Variants in YEATS2 observed in about 807,000 individuals in gnomAD.
YEATS2 encodes the protein YEATS domain-containing protein 2.
In YEATS2, 77 loss-of-function variants were observed where a neutral mutation model predicts 163.2. The observed-to-expected ratio is 0.47, with a 90% CI of 0.39 to 0.57. The LOEUF (loss-of-function observed/expected upper bound fraction) is 0.57, where lower values mean the gene tolerates loss of function less well. YEATS2 is among the 20% of genes least tolerant of loss of function. The probability of loss-of-function intolerance (pLI) is 0.00; values close to 1 mark genes in which losing one functional copy is unlikely to be tolerated. For synonymous variants in YEATS2, 631 were observed against 645.1 expected (o/e 0.98, Z 0.33); for missense variants, 1,549 against 1,729.8 (o/e 0.90, Z 1.85).
chr3:183,793,080 G>GT (rs2108491158), intron 21 of YEATS2: 1 of 1,214,352 alleles, frequency 8.2e-7, no homozygotes, highest in South Asian at 1.3e-5. Flanking sequence ...CTATCGAACT[G>GT]TTAAAGTTTC....
Position 183,800,454 on chromosome 3 carries a change from C to T in YEATS2, c.3326-12C>T, listed in dbSNP as rs771948108. 8 of 1,608,818 alleles carry T rather than the reference C, an allele frequency of 5.0e-6. No individual in the cohort carries two copies. Among genetic ancestry groups the T allele is most frequent in the Non-Finnish European group, 6.8e-6 (8 of 1,176,266 alleles). Reference sequence around the variant, plus strand: ...CCCTAACAGCTGCCTCTTTGTTGCTCTTCCCTTGTAGTGAAGACTGAACCA... The same window carrying T: ...CCCTAACAGCTGCCTCTTTGTTGCTTTTCCCTTGTAGTGAAGACTGAACCA... On this transcript the variant is annotated splice_polypyrimidine_tract_variant and intron_variant, in intron 23 of 30. Transcript: ENST00000305135.
chr3:183,735,567 G>C (rs545000563), intron 7 of YEATS2, among the ~76,000 whole-genome samples: 34 of 152,258 alleles, frequency 2.2e-4, no homozygotes, highest in African/African-American at 8.2e-4. Context: ...TCCGTTGTTA[G>C]CTGCTGGCTC....
intron 30 of YEATS2, chr3:183,809,550 CTT>C (rs556022423): frequency 8.7e-4 from 137 of 158,302 alleles, no homozygotes; most frequent in African/African-American, 3.2e-3. Context: ...CTATTATTCT[CTT>C]TTTAAAAATC....
Position 183,750,401 on chromosome 3 carries a change from G to GT in YEATS2, c.970-1671dup, listed in dbSNP as rs202168152. On this transcript the variant is annotated intron_variant, in intron 9 of 30. Coordinates refer to ENST00000305135, the MANE Select transcript of YEATS2 (RefSeq NM_018023.5). Reference sequence around the variant, plus strand: ...TGCTGCTATGAACGTAGGTGTACAGGTATCTATTCAAATCCTTGCTTTCAG... The same window carrying GT: ...TGCTGCTATGAACGTAGGTGTACAGGTTATCTATTCAAATCCTTGCTTTCAG... 1.6e-4 allele frequency among the ~76,000 whole-genome samples: 24 copies of GT among 152,338 alleles called. No individual in the cohort carries two copies. In the East Asian group the frequency reaches 4.4e-3, roughly 28 times the overall value.
Position 183,812,315 on chromosome 3 carries a change from T to C in YEATS2, c.*1732T>C, listed in dbSNP as rs1726877699. 1 of 152,234 alleles carries C rather than the reference T, an allele frequency of 6.6e-6. No homozygotes were observed. Among genetic ancestry groups the C allele is most frequent in the Non-Finnish European group, 1.5e-5 (1 of 68,046 alleles). The allele number at this position is 152,234 out of a possible 1,614,324, so 9.4% of individuals were successfully genotyped here. On this transcript the variant is annotated 3_prime_UTR_variant, in exon 31 of 31. Transcript: ENST00000305135. ...TCTCAGCAGGGCATAGGGCACGCAC[T>C]GGCTTAACAGTTTAGTATATAAGGC...
intron 15 of YEATS2, among the ~76,000 whole-genome samples, chr3:183,764,099 C>T (rs951253542): frequency 1.6e-4 from 24 of 151,944 alleles, no homozygotes; most frequent in Admixed American, 8.5e-4. Context: ...TGGCTGGGCA[C>T]GGTGGCTCAC....
chr3:183,736,471 T>C (rs1439007748), intron 7 of YEATS2, among the ~76,000 whole-genome samples: 1 of 152,208 alleles, frequency 6.6e-6, no homozygotes, highest in African/African-American at 2.4e-5. Context: ...TTGGATTATA[T>C]GGTCTAAGTT....
intron 15 of YEATS2, among the ~76,000 whole-genome samples, chr3:183,764,742 G>C (rs1721731509): frequency 6.6e-6 from 1 of 151,736 alleles, no homozygotes; most frequent in Non-Finnish European, 1.5e-5. Flanking sequence ...GGCAGGCAGA[G>C]GTTGCAGTGA....
At chr3:183,702,610 G>T (rs1003588690) in intron 1 of YEATS2, among the ~76,000 whole-genome samples, 2 of 152,108 alleles carry the variant, frequency 1.3e-5, no homozygotes, top group African/African-American at 4.8e-5. Flanking sequence ...GCTGAGGCGG[G>T]TGGATCACCT....
intron 7 of YEATS2, among the ~76,000 whole-genome samples, chr3:183,730,095 C>A (rs1483000632): frequency 1.1e-5 from 1 of 87,470 alleles, no homozygotes; most frequent in Non-Finnish European, 2.0e-5. Flanking sequence ...TTTGGAGACA[C>A]ATCCTGTCGT....
Position 183,810,690 on chromosome 3 carries a change from C to CA in YEATS2, c.*108dup. 1 of 977,980 alleles carries CA rather than the reference C, an allele frequency of 1.0e-6. No individual in the cohort carries two copies. 60.6% of individuals were successfully genotyped at this position (977,980 alleles called of 1,614,324 possible). ...TGGTTTCCAGTGTGACTCGGCATGT[C>CA]ATGGCTACCCAACCTTTGCCGCTGC... On this transcript the variant is annotated 3_prime_UTR_variant, in exon 31 of 31. Coordinates refer to ENST00000305135, the MANE Select transcript of YEATS2 (RefSeq NM_018023.5).
At chr3:183,775,840 G>A (rs1722933133) in intron 17 of YEATS2, 75 bp from the exon 18 acceptor site, 8 of 1,599,080 alleles carry the variant, frequency 5.0e-6, no homozygotes, top group Non-Finnish European at 6.0e-6. Flanking sequence ...ACATCTCTCT[G>A]GGCTCATTTG....
chr3:183,800,952 T>C (rs1725615045), intron 24 of YEATS2: 1 of 189,974 alleles, frequency 5.3e-6, no homozygotes, highest in African/African-American at 2.4e-5. Context: ...TGCCTCTTCA[T>C]GGGCTATATA....
At chr3:183,778,634 G>GCACAAGCCACCACGCCCAGCC in intron 19 of YEATS2, among the ~76,000 whole-genome samples, 1 of 152,150 alleles carries the variant, frequency 6.6e-6, no homozygotes, top group Non-Finnish European at 1.5e-5. Context: ...GGGATTACAG[G>GCACAAGCCACCACGCCCAGCC]CGTGATCCGC....
chr3:183,801,379 A>G lies in YEATS2; in HGVS notation c.3429-76A>G, dbSNP rs762608357. 2.0e-5 allele frequency: 20 copies of G among 1,004,206 alleles called. 1 individual carries two copies. Among genetic ancestry groups the G allele is most frequent in the Non-Finnish European group, 2.8e-5 (19 of 677,220 alleles). The allele number at this position is 1,004,206 out of a possible 1,614,324, so 62.2% of individuals were successfully genotyped here. A position where few individuals can be genotyped will look rare whatever the true frequency, so the allele number is the denominator to read the frequency against. On this transcript the variant is annotated intron_variant, in intron 24 of 30. Transcript: ENST00000305135. ...TCAGAACGGAATATATCCATTAAGT[A>G]CATGGCATATATATGGCTATAGAAA...
intron 13 of YEATS2, among the ~76,000 whole-genome samples, chr3:183,760,156 T>C (rs945596303): frequency 6.6e-6 from 1 of 152,200 alleles, no homozygotes; most frequent in Non-Finnish European, 1.5e-5. Flanking sequence ...GTCTGAATTA[T>C]AGTAATCTTG....
intron 5 of YEATS2, 112 bp downstream of exon 5, chr3:183,722,248 T>G (rs1716577062): frequency 1.7e-6 from 2 of 1,196,562 alleles, no homozygotes; most frequent in Non-Finnish European, 2.2e-6. Flanking sequence ...GAAATAGGTT[T>G]GTTTTCCTTT....
chr3:183,722,222 G>A (rs754108257), intron 5 of YEATS2, 86 bp downstream of exon 5: 9 of 1,369,572 alleles, frequency 6.6e-6, no homozygotes, highest in Non-Finnish European at 8.7e-6. Flanking sequence ...TCACTGAACT[G>A]TCACAGGAAT....
chr3:183,810,352 G>C, intron 30 of YEATS2, 123 bp from the exon 31 acceptor site: 1 of 808,864 alleles, frequency 1.2e-6, no homozygotes, highest in East Asian at 2.7e-5. Flanking sequence ...CTATGTCTGT[G>C]GCTCAGGAGC....
Sources: allele counts gnomAD v4.1 joint callset (sites outside exome capture counted in the v4.1 genomes callset), GRCh38; gene constraint gnomAD v4.1.1; transcripts MANE v1.5; gene names NCBI Gene and HGNC (gene_info 2026-07-23, HGNC 2026-07-21).